The following CATSPERE variants were observed in gnomAD, a reference collection of about 807,000 sequenced individuals.
CATSPERE encodes the protein cation channel sperm-associated auxiliary subunit epsilon.
CATSPERE carries 93 observed loss-of-function variants against 114.1 expected under a neutral mutation model. That is an observed-to-expected ratio of 0.81 (90% CI 0.69 to 0.97). The LOEUF is 0.97. CATSPERE is among the 50% of genes least tolerant of loss of function. CATSPERE has a pLI of 0.00. For missense variants in CATSPERE, 1,058 were observed against 1,131.6 expected, an observed-to-expected ratio of 0.93 and a Z score of 0.93; for synonymous variants, 341 against 384.1, an observed-to-expected ratio of 0.89 and a Z score of 1.31.
At chr1:244,508,593 G>A (rs552316376) in intron 7 of CATSPERE, among the ~76,000 whole-genome samples, 51 of 151,594 alleles carry the variant, frequency 3.4e-4, no homozygotes, top group African/African-American at 1.2e-3. Context: ...GAGCCACTGC[G>A]CCTGGCCAGA....
chr1:244,616,642 C>G (rs551100869), intron 19 of CATSPERE, among the ~76,000 whole-genome samples: 1 of 152,166 alleles, frequency 6.6e-6, no homozygotes, highest in Admixed American at 6.5e-5. Context: ...GAACCCACTC[C>G]GTGACAACGG....
chr1:244,636,262 GT>G (rs1243024871), intron 21 of CATSPERE, among the ~76,000 whole-genome samples: 2 of 152,122 alleles, frequency 1.3e-5, no homozygotes, highest in Non-Finnish European at 2.9e-5. Context: ...TTTGGGCCTG[GT>G]GTTTGGAATT....
At chr1:244,519,998 C>A (rs892839725) in intron 8 of CATSPERE, among the ~76,000 whole-genome samples, 4 of 151,202 alleles carry the variant, frequency 2.6e-5, no homozygotes, top group African/African-American at 7.4e-5. Flanking sequence ...TGTAAGCCAC[C>A]ATGACTAGCC....
chr1:244,540,362 T>TAACA (rs1296360290), intron 8 of CATSPERE, among the ~76,000 whole-genome samples: 8,534 of 19,788 alleles, frequency 0.43, 2,292 homozygotes, highest in East Asian at 0.82. Context: ...TATACACCAA[T>TAACA]AACAGACAGA....
intron 20 of CATSPERE, among the ~76,000 whole-genome samples, chr1:244,634,957 G>A (rs1357707500): frequency 6.6e-6 from 1 of 152,132 alleles, no homozygotes; most frequent in Non-Finnish European, 1.5e-5. Flanking sequence ...AGATTCTCCC[G>A]CCTCAGCCTT....
chr1:244,595,676 A>C (rs950883485), intron 17 of CATSPERE, among the ~76,000 whole-genome samples: 6 of 152,202 alleles, frequency 3.9e-5, no homozygotes, highest in African/African-American at 1.4e-4. Context: ...TCACGCCTGT[A>C]ATCCCAGCAC....
At chr1:244,490,828 A>G (rs540143143) in intron 6 of CATSPERE, among the ~76,000 whole-genome samples, 1 of 152,152 alleles carries the variant, frequency 6.6e-6, no homozygotes, top group Non-Finnish European at 1.5e-5. Context: ...CTTTTGAAAA[A>G]TAGTTATTTT....
At chr1:244,613,425 C>A (rs570641027) in intron 19 of CATSPERE, among the ~76,000 whole-genome samples, 1 of 152,064 alleles carries the variant, frequency 6.6e-6, no homozygotes, top group Non-Finnish European at 1.5e-5. Context: ...TGAAAAACAA[C>A]GTCAGAGTTT....
At chr1:244,582,410 T>TC (rs1666322062) in intron 12 of CATSPERE, among the ~76,000 whole-genome samples, 1 of 150,756 alleles carries the variant, frequency 6.6e-6, no homozygotes, top group Admixed American at 6.6e-5. Context: ...TCTTTTTCTT[T>TC]TTTTTTTTTT....
intron 7 of CATSPERE, among the ~76,000 whole-genome samples, chr1:244,506,464 C>CT (rs1012486211): frequency 5.9e-5 from 9 of 152,164 alleles, no homozygotes; most frequent in African/African-American, 1.9e-4. Context: ...TTTTGAGAAA[C>CT]TGCCACACCA....
chr1:244,598,370 A>G (rs542822288), intron 17 of CATSPERE: 66 of 158,480 alleles, frequency 4.2e-4, no homozygotes, highest in Non-Finnish European at 8.3e-5. Flanking sequence ...ACACTACAAT[A>G]CACGTAAAAT....
chr1:244,572,753 G>A lies in CATSPERE; in HGVS notation c.1931G>A (p.Gly644Glu). ...SHEISFEAAFGYCTKTLTLTF... is the reference protein window; with the variant it reads ...SHEISFEAAFEYCTKTLTLTF... ...GAGATTTCCTTTGAAGCTGCCTTTGGATACTGCACCAAAACTCTGGTAAGC... is the reference window on the plus strand; with the variant it reads ...GAGATTTCCTTTGAAGCTGCCTTTGAATACTGCACCAAAACTCTGGTAAGC... The change falls in exon 11 of 22, where the codon GGA becomes GAA. Residue 644 changes from glycine (G) to glutamate (E), a missense_variant. Transcript: ENST00000366534. The A allele has an allele frequency of 6.3e-7, 1 of 1,590,780 alleles. No individual in the cohort carries two copies. Among genetic ancestry groups the A allele is most frequent in the Non-Finnish European group, 8.5e-7 (1 of 1,170,728 alleles).
At chr1:244,601,464 T>C (rs188832652) in intron 17 of CATSPERE, among the ~76,000 whole-genome samples, 1 of 152,164 alleles carries the variant, frequency 6.6e-6, no homozygotes, top group East Asian at 1.9e-4. Flanking sequence ...AATGAAGCCA[T>C]AAAACAGTAA....
At chr1:244,524,423 C>T (rs1411756231) in intron 8 of CATSPERE, among the ~76,000 whole-genome samples, 2 of 150,352 alleles carry the variant, frequency 1.3e-5, no homozygotes, top group Non-Finnish European at 2.9e-5. Flanking sequence ...AGGACATAGG[C>T]GTGGGCAAGG....
At chr1:244,489,260 G>A (rs1173606225) in intron 5 of CATSPERE, among the ~76,000 whole-genome samples, 4 of 152,010 alleles carry the variant, frequency 2.6e-5, no homozygotes, top group Admixed American at 6.6e-5. Flanking sequence ...CACCAGGCCC[G>A]GCCTGTTATT....
rs1199294523 is a variant in CATSPERE at position 244,526,412 on chromosome 1, GA to G, written c.536+7726del. The stretch of plus-strand genomic sequence containing the variant: ...TGACAATGAGACCCTGTATCAAAAA[GA>G]AAAAAAAAAAAGGAAAAGAAAATAA... On this transcript the variant is annotated intron_variant, in intron 8 of 21. Transcript: ENST00000366534. 3.1e-3 allele frequency among the ~76,000 whole-genome samples: 366 copies of G among 119,788 alleles called. 1 individual carries two copies. Among genetic ancestry groups the G allele is most frequent in the African/African-American group, 7.4e-3 (243 of 32,660 alleles). The allele number at this position is 119,788 out of a possible 152,430, so 78.6% of individuals were successfully genotyped here. A position where few individuals can be genotyped will look rare whatever the true frequency, so the allele number is the denominator to read the frequency against.
intron 21 of CATSPERE, among the ~76,000 whole-genome samples, chr1:244,638,762 T>A (rs1448167106): frequency 2.0e-5 from 3 of 152,208 alleles, no homozygotes; most frequent in Non-Finnish European, 4.4e-5. Flanking sequence ...CTTTATTCCT[T>A]CATATTTCTC....
At chr1:244,470,110 G>A (rs534438658) in intron 2 of CATSPERE, among the ~76,000 whole-genome samples, 4 of 152,172 alleles carry the variant, frequency 2.6e-5, no homozygotes, top group Admixed American at 2.6e-4. Flanking sequence ...GAAAACATAA[G>A]GGAAAATCCG....
chr1:244,482,059 C>A (rs1394370566), intron 5 of CATSPERE, among the ~76,000 whole-genome samples: 1 of 152,126 alleles, frequency 6.6e-6, no homozygotes, highest in East Asian at 1.9e-4. Context: ...AGGAAAAGCA[C>A]CTATCCAGGG....
Sources: allele counts gnomAD v4.1 joint callset (sites outside exome capture counted in the v4.1 genomes callset), GRCh38; gene constraint gnomAD v4.1.1; transcripts MANE v1.5; gene names NCBI Gene and HGNC (gene_info 2026-07-23, HGNC 2026-07-21).